SFSWAP: variants seen among roughly 807,000 people sequenced by gnomAD.
The protein encoded by SFSWAP is splicing factor SWAP.
Under a neutral mutation model 100.7 loss-of-function variants are expected in SFSWAP, and 17 were observed. The observed-to-expected ratio is 0.17, with a 90% CI of 0.12 to 0.25. The LOEUF (loss-of-function observed/expected upper bound fraction) is 0.25. Among genes scored for constraint, SFSWAP ranks in the 10% least tolerant of loss-of-function variants. The probability of loss-of-function intolerance (pLI) is 1.00; values close to 1 mark genes in which losing one functional copy is unlikely to be tolerated. For missense variants in SFSWAP, 1,005 were observed against 1,262.6 expected, an observed-to-expected ratio of 0.80 and a Z score of 3.09; for synonymous variants, 504 against 510.1, an observed-to-expected ratio of 0.99 and a Z score of 0.16.
At chr12:131,756,968 G>A (rs1228385644) in intron 11 of SFSWAP, 1 of 231,372 alleles carries the variant, frequency 4.3e-6, no homozygotes, top group Non-Finnish European at 8.4e-6. Flanking sequence ...GCAAACTGTT[G>A]TACCAGTGAA....
In SFSWAP at chr12:131,730,016, T is replaced by C. The variant is rs1467409431; in HGVS notation, c.1081+1588T>C. Among the ~76,000 whole-genome samples the C allele has an allele frequency of 6.6e-6, 1 of 152,232 alleles. No homozygotes were observed. Among genetic ancestry groups the C allele is most frequent in the African/African-American group, 2.4e-5 (1 of 41,470 alleles). The stretch of plus-strand genomic sequence containing the variant: ...AAAGCTGAGAATGTCTTTAAATGAT[T>C]AAATCAAGTCATATCAAATTTCACT... On this transcript the variant is annotated intron_variant, in intron 7 of 17. Transcript: ENST00000261674. The surrounding 1 kb of genome is among the most constrained non-coding windows in gnomAD (Gnocchi z 4.0).
chr12:131,799,282 C>G (rs1289534865), intron 17 of SFSWAP, 141 bp from the exon 18 acceptor site: 5 of 1,055,112 alleles, frequency 4.7e-6, no homozygotes, highest in Non-Finnish European at 7.3e-6. Flanking sequence ...GGCCCGCACC[C>G]TGCACAGCCA....
At chr12:131,716,174 C>T (rs1207286932) in intron 3 of SFSWAP, among the ~76,000 whole-genome samples, 3 of 152,234 alleles carry the variant, frequency 2.0e-5, no homozygotes. Flanking sequence ...ACCGGCTTTC[C>T]TTTTGCCCTG....
Position 131,711,337 on chromosome 12 carries a change from G to A in SFSWAP, c.108G>A (p.Leu36=). The change falls in exon 1 of 18, where the codon TTG becomes TTA. Residue 36 remains leucine, a synonymous_variant. Transcript: ENST00000261674. This position sits in a 1 kb window ranked among gnomAD's most constrained non-coding sequence, Gnocchi z 4.9. ...AGGGGSRVEL[L]VFGYACKLFR... ...GTGGGGGCAGCCGAGTGGAGCTCTTGGTTTTCGGCTATGCCTGCAAGCTGT... is the reference window on the plus strand; with the variant it reads ...GTGGGGGCAGCCGAGTGGAGCTCTTAGTTTTCGGCTATGCCTGCAAGCTGT... 1.2e-6 allele frequency: 2 copies of A among 1,614,026 alleles called. No individual in the cohort carries two copies. Among genetic ancestry groups the A allele is most frequent in the Non-Finnish European group, 1.7e-6 (2 of 1,180,018 alleles).
intron 3 of SFSWAP, among the ~76,000 whole-genome samples, chr12:131,718,105 C>T (rs907396167): frequency 3.3e-5 from 5 of 152,138 alleles, no homozygotes; most frequent in African/African-American, 9.7e-5. Context: ...ATGGATGGGA[C>T]GGTGTTAAAT....
At chr12:131,764,401 C>A in intron 11 of SFSWAP, 55 bp from the exon 12 acceptor site, 2 of 1,437,640 alleles carry the variant, frequency 1.4e-6, no homozygotes, top group South Asian at 1.2e-5. Context: ...GTAGCAGGGC[C>A]TGCAAAGATT....
chr12:131,736,882 G>A (rs958787365), intron 7 of SFSWAP, among the ~76,000 whole-genome samples: 1 of 152,086 alleles, frequency 6.6e-6, no homozygotes, highest in African/African-American at 2.4e-5. Context: ...GGTGACAGAC[G>A]TTTATTGTCG....
At chr12:131,779,206 AGTGTGTGTGAAGAGG>A (rs1884272378) in intron 14 of SFSWAP, among the ~76,000 whole-genome samples, 1 of 148,742 alleles carries the variant, frequency 6.7e-6, no homozygotes. Context: ...AGCGCGGATG[AGTGTGTGTGAAGAGG>A]GCGGCGCGGG....
intron 7 of SFSWAP, among the ~76,000 whole-genome samples, chr12:131,748,437 G>A (rs2136217650): frequency 6.6e-6 from 1 of 152,286 alleles, no homozygotes; most frequent in Middle Eastern, 3.4e-3. Context: ...TGGGATGACA[G>A]GTGTAAGCCA....
chr12:131,744,156 A>G (rs1398555239), intron 7 of SFSWAP, among the ~76,000 whole-genome samples: 2 of 152,184 alleles, frequency 1.3e-5, no homozygotes, highest in African/African-American at 2.4e-5. Flanking sequence ...CATTTTCTGC[A>G]TTGTCTTGGG....
At chr12:131,793,273 A>G (rs886791345) in intron 15 of SFSWAP, among the ~76,000 whole-genome samples, 14 of 151,886 alleles carry the variant, frequency 9.2e-5, no homozygotes, top group Admixed American at 3.9e-4. Context: ...GTGTAGAGAC[A>G]GGGTCTCGCT....
chr12:131,779,753 A>G (rs1884347663), intron 14 of SFSWAP, among the ~76,000 whole-genome samples: 1 of 152,218 alleles, frequency 6.6e-6, no homozygotes, highest in East Asian at 1.9e-4. Flanking sequence ...CCTAAAAACA[A>G]TATGCTTGCT....
intron 4 of SFSWAP, among the ~76,000 whole-genome samples, chr12:131,721,514 T>C (rs1371535703): frequency 4.6e-5 from 7 of 152,244 alleles, no homozygotes; most frequent in African/African-American, 1.7e-4. Context: ...TTTTATTAAA[T>C]GCTAAGTGCT....
intron 15 of SFSWAP, among the ~76,000 whole-genome samples, chr12:131,792,723 C>A (rs575122206): frequency 6.6e-6 from 1 of 152,348 alleles, no homozygotes; most frequent in East Asian, 1.9e-4. Context: ...AACATAGATG[C>A]AAAAATACTT....
At chr12:131,752,393 A>G (rs1234828604) in intron 7 of SFSWAP, among the ~76,000 whole-genome samples, 8 of 152,226 alleles carry the variant, frequency 5.3e-5, no homozygotes, top group Admixed American at 5.2e-4. Context: ...CCCAAAAAGG[A>G]TAAATGTACA....
chr12:131,754,513 TTTTA>T lies in SFSWAP; in HGVS notation c.1454+16_1454+19del. The stretch of plus-strand genomic sequence containing the variant: ...GAATGATCAAAGGTCAGAAGAAGAA[TTTTA>T]TATGTTAGGTATATGGCATTTGGGG... On this transcript the variant is annotated intron_variant, in intron 9 of 17. Transcript: ENST00000261674. The T allele has an allele frequency of 6.4e-7, 1 of 1,552,104 alleles. No homozygotes were observed. The highest frequency in any genetic ancestry group is 8.7e-7 in the Non-Finnish European group (1 of 1,148,466).
At chr12:131,761,381 G>A (rs1037667282) in intron 11 of SFSWAP, among the ~76,000 whole-genome samples, 9 of 152,204 alleles carry the variant, frequency 5.9e-5, no homozygotes, top group East Asian at 3.8e-4. Context: ...GCATGGTCCC[G>A]TCCTCCACCG....
intron 15 of SFSWAP, 49 bp downstream of exon 15, chr12:131,786,637 C>T (rs1884914382): frequency 1.9e-6 from 3 of 1,552,496 alleles, no homozygotes; most frequent in Non-Finnish European, 2.6e-6. Context: ...CCAGGTTTCC[C>T]TGGGTGGAAA....
At chr12:131,752,426 C>T (rs564345730) in intron 7 of SFSWAP, among the ~76,000 whole-genome samples, 1 of 152,306 alleles carries the variant, frequency 6.6e-6, no homozygotes, top group African/African-American at 2.4e-5. Flanking sequence ...GTTAAGACAG[C>T]GTGCCTCTAC....
Sources: gnomAD v4.1 joint callset for allele counts (sites outside exome capture counted in the v4.1 genomes callset) on GRCh38, gnomAD v4.1.1 for gene constraint, Gnocchi (gnomAD v3.1) non-coding constraint, MANE v1.5 for transcripts, NCBI Gene and HGNC (gene_info 2026-07-23, HGNC 2026-07-21) for gene names.